LARGE1: variants seen among roughly 807,000 people sequenced by gnomAD.
The protein encoded by LARGE1 is xylosyl- and glucuronyltransferase LARGE1.
LARGE1 carries 43 observed loss-of-function variants against 87.6 expected under a neutral mutation model. The observed-to-expected ratio is 0.49, with a 90% CI of 0.38 to 0.63. The LOEUF is 0.63. Among genes scored for constraint, LARGE1 ranks in the 30% least tolerant of loss-of-function variants. The pLI is 0.00. For missense variants in LARGE1, 802 were observed against 1,000.2 expected (o/e 0.80, Z 2.67); for synonymous variants, 434 against 394.6 (o/e 1.10, Z -1.18).
intron 1 of LARGE1, among the ~76,000 whole-genome samples, chr22:33,889,531 T>A (rs1008301030): frequency 6.6e-6 from 1 of 152,192 alleles, no homozygotes; most frequent in Non-Finnish European, 1.5e-5. Context: ...AGCAGAGACA[T>A]AAGTCAGGCT....
intron 2 of LARGE1, among the ~76,000 whole-genome samples, chr22:33,673,102 G>A (rs536412513): frequency 2.6e-5 from 4 of 152,064 alleles, no homozygotes; most frequent in Middle Eastern, 3.4e-3. Context: ...GTGAAACCCC[G>A]TCTCTACTAA....
At chr22:33,517,017 A>G (rs775328441) in intron 6 of LARGE1, among the ~76,000 whole-genome samples, 21 of 151,952 alleles carry the variant, frequency 1.4e-4, no homozygotes, top group Non-Finnish European at 2.9e-4. Context: ...ATTGCTACCA[A>G]CTCTTTGTTA....
intron 7 of LARGE1, among the ~76,000 whole-genome samples, chr22:33,402,686 T>C (rs1228843231): frequency 6.6e-6 from 1 of 152,234 alleles, no homozygotes; most frequent in African/African-American, 2.4e-5. Flanking sequence ...CAGTGACTAA[T>C]ACACGTTAGT....
intron 3 of LARGE1, among the ~76,000 whole-genome samples, chr22:33,632,134 T>C (rs948688183): frequency 6.6e-6 from 1 of 152,160 alleles, no homozygotes; most frequent in African/African-American, 2.4e-5. Context: ...GTTTGTTTGT[T>C]TGTTTTGAGA....
intron 1 of LARGE1, among the ~76,000 whole-genome samples, chr22:33,810,544 C>G (rs567322356): frequency 1.3e-5 from 2 of 152,078 alleles, no homozygotes; most frequent in South Asian, 4.1e-4. Flanking sequence ...CAATGAAATA[C>G]GAATGCATGC....
chr22:33,096,558 TTGTTTTTG>T, the LARGE1 span, among the ~76,000 whole-genome samples: 3 of 91,744 alleles, frequency 3.3e-5, no homozygotes, highest in Non-Finnish European at 6.6e-5. Context: ...TTGTTTGTTT[TTGTTTTTG>T]TTTTTTTTTT....
At chr22:33,423,381 A>G (rs1210297168) in intron 7 of LARGE1, among the ~76,000 whole-genome samples, 1 of 152,086 alleles carries the variant, frequency 6.6e-6, no homozygotes. Flanking sequence ...TTTCTTTAAA[A>G]AAATTATAAT....
At chr22:33,453,477 C>G (rs575392828) in intron 6 of LARGE1, among the ~76,000 whole-genome samples, 224 of 152,136 alleles carry the variant, frequency 1.5e-3, no homozygotes, top group African/African-American at 5.1e-3. Flanking sequence ...TCAGTCTGAT[C>G]TCCCAGGGAG....
chr22:33,849,885 G>A (rs546311132), intron 1 of LARGE1, among the ~76,000 whole-genome samples: 1 of 152,276 alleles, frequency 6.6e-6, no homozygotes, highest in South Asian at 2.1e-4. Flanking sequence ...ACAGGCGTGA[G>A]CCACTGCGCC....
At chr22:33,867,132 ACTGGGCT>A (rs2064129353) in intron 1 of LARGE1, among the ~76,000 whole-genome samples, 1 of 152,180 alleles carries the variant, frequency 6.6e-6, no homozygotes, top group African/African-American at 2.4e-5. Flanking sequence ...CAAGCAATGA[ACTGGGCT>A]CTGGGTGGGC....
chr22:33,072,871 G>A, the LARGE1 span, among the ~76,000 whole-genome samples: 4 of 152,146 alleles, frequency 2.6e-5, no homozygotes, highest in Admixed American at 6.5e-5. Flanking sequence ...AAGGTTGTTC[G>A]TAGTCCTGGC....
At chr22:33,215,920 C>T (rs1373632690) in intron 11 of LARGE1, among the ~76,000 whole-genome samples, 3 of 152,174 alleles carry the variant, frequency 2.0e-5, no homozygotes, top group Admixed American at 6.5e-5. Context: ...CATACCACTT[C>T]ACTCCAGCCT....
intron 1 of LARGE1, among the ~76,000 whole-genome samples, chr22:33,907,660 C>T (rs1376310377): frequency 2.0e-5 from 3 of 152,070 alleles, no homozygotes; most frequent in East Asian, 3.9e-4. Context: ...CTCCGCCTCC[C>T]GGGTTCACAC....
intron 9 of LARGE1, among the ~76,000 whole-genome samples, chr22:33,365,972 T>A (rs1483014030): frequency 2.0e-5 from 3 of 152,228 alleles, no homozygotes; most frequent in African/African-American, 7.2e-5. Context: ...TGTGATTAAA[T>A]TTACGGATTC....
intron 11 of LARGE1, among the ~76,000 whole-genome samples, chr22:33,186,580 T>G (rs907004353): frequency 2.6e-5 from 4 of 152,156 alleles, no homozygotes; most frequent in Admixed American, 2.0e-4. Context: ...TCCTAAAGAT[T>G]TGAAATTAAT....
chr22:33,552,449 C>A (rs758609281), intron 6 of LARGE1, among the ~76,000 whole-genome samples: 1 of 142,496 alleles, frequency 7.0e-6, no homozygotes, highest in African/African-American at 2.6e-5. Context: ...GACACAAGCA[C>A]GATATTTATT....
intron 6 of LARGE1, among the ~76,000 whole-genome samples, chr22:33,546,549 TG>T (rs2077365536): frequency 6.6e-6 from 1 of 152,172 alleles, no homozygotes; most frequent in Non-Finnish European, 1.5e-5. Context: ...AGGACCTCCA[TG>T]AAGGCAGGTG....
chr22:33,331,700 A>G (rs562424346), intron 10 of LARGE1, among the ~76,000 whole-genome samples: 4 of 152,044 alleles, frequency 2.6e-5, no homozygotes, highest in African/African-American at 7.2e-5. Context: ...GAGCCACCGC[A>G]CCTGGCCTGT....
chr22:33,304,179 T>G, intron 12 of LARGE1, 50 bp downstream of exon 12: 1 of 1,603,700 alleles, frequency 6.2e-7, no homozygotes, highest in East Asian at 2.2e-5. Context: ...TGGCACTGCA[T>G]GGCCCTATGT....
Sources: gnomAD v4.1 joint callset for allele counts (sites outside exome capture counted in the v4.1 genomes callset) on GRCh38, gnomAD v4.1.1 for gene constraint, MANE v1.5 for transcripts, NCBI Gene and HGNC (gene_info 2026-07-23, HGNC 2026-07-21) for gene names.